CC2D2B: variants seen among roughly 807,000 people sequenced by gnomAD.
The protein encoded by CC2D2B is coiled-coil and C2 domain containing 2B.
CC2D2B carries 128 observed loss-of-function variants against 161.2 expected under a neutral mutation model. The observed-to-expected ratio is 0.79, with a 90% CI of 0.69 to 0.92. The LOEUF is 0.92. CC2D2B is among the 40% of genes least tolerant of loss of function. CC2D2B has a pLI of 0.00. For missense variants in CC2D2B, 1,173 were observed against 1,375.1 expected, an observed-to-expected ratio of 0.85 and a Z score of 2.32; for synonymous variants, 391 against 449.8, an observed-to-expected ratio of 0.87 and a Z score of 1.65.
chr10:96,031,844 C>T lies in CC2D2B; in HGVS notation c.4150C>T (p.Pro1384Ser). 6.2e-7 allele frequency: 1 copy of T among 1,613,458 alleles called. No individual in the cohort carries two copies. The highest frequency in any genetic ancestry group is 8.5e-7 in the Non-Finnish European group (1 of 1,179,552). The change falls in exon 35 of 35, where the codon CCA becomes TCA. Residue 1384 changes from proline to serine, a missense_variant. By Grantham distance (74) the Pro-to-Ser change is moderately conservative (BLOSUM62 -1). Transcript: ENST00000646931. Reference protein sequence around the residue: ...YWVTGFPIQMPYIDVQSIIDA... With the variant: ...YWVTGFPIQMSYIDVQSIIDA... ...GGTCACGGGATTTCCCATCCAGATG[C>T]CATACATTGATGTACAGTCAATTAT...
At chr10:96,014,900 C>T (rs954576424) in intron 29 of CC2D2B, among the ~76,000 whole-genome samples, 1 of 152,150 alleles carries the variant, frequency 6.6e-6, no homozygotes. Context: ...TCAGGTTCAG[C>T]CAATGCACAC....
At chr10:95,987,948 T>C (rs1461369297) in intron 19 of CC2D2B, among the ~76,000 whole-genome samples, 1 of 152,214 alleles carries the variant, frequency 6.6e-6, no homozygotes, top group East Asian at 1.9e-4. Context: ...TGAAGAATCT[T>C]TTCTCAATCC....
intron 20 of CC2D2B, 33 bp downstream of exon 20, chr10:95,988,375 T>C (rs2077813309): frequency 8.3e-6 from 9 of 1,078,144 alleles, no homozygotes; most frequent in Non-Finnish European, 1.1e-5. Flanking sequence ...ATATTTGCAT[T>C]TGTTTTTGTG....
rs1484880561 is a variant in CC2D2B, at chr10:95,941,440, A to G, written c.801+2515A>G. 2.0e-5 allele frequency among the ~76,000 whole-genome samples: 3 copies of G among 152,190 alleles called. No homozygotes were observed. In the East Asian group the frequency reaches 5.8e-4, roughly 29 times the overall value. ...ATGGGAGAAAATATTTGCAAACCAT[A>G]TATCTGATAAGAGATTGAAATCCAA... On this transcript the variant is annotated intron_variant, in intron 9 of 34. Transcript: ENST00000646931.
rs1491259451 is a variant in CC2D2B at position 96,025,154 on chromosome 10, A to AAAAT, written c.3947+244_3947+245insAATA. ...GGAGACGTCATCTCTACTAAAAAAA[A>AAAAT]ATATATATATATATATATATATATA... On this transcript the variant is annotated intron_variant, in intron 33 of 34. Transcript: ENST00000646931. Among the ~76,000 whole-genome samples the AAAAT allele has an allele frequency of 2.7e-3, 54 of 20,082 alleles. 2 individuals are homozygous for AAAAT. Among genetic ancestry groups the AAAAT allele is most frequent in the Middle Eastern group, 0.062 (1 of 16 alleles). The allele number at this position is 20,082 out of a possible 152,430, so 13.2% of individuals were successfully genotyped here.
intron 24 of CC2D2B, among the ~76,000 whole-genome samples, chr10:95,997,681 C>G (rs1471599797): frequency 6.6e-6 from 1 of 152,366 alleles, no homozygotes; most frequent in Middle Eastern, 3.4e-3. Flanking sequence ...AGCCACCACA[C>G]CTGGCCTGCT....
intron 2 of CC2D2B, chr10:95,920,836 A>T (rs999383252): frequency 6.6e-6 from 1 of 152,272 alleles, no homozygotes; most frequent in African/African-American, 2.4e-5. Context: ...TAAAAATATT[A>T]TCTGGGAGAT....
chr10:95,926,421 T>A (rs1414418535), intron 5 of CC2D2B, among the ~76,000 whole-genome samples: 1 of 152,170 alleles, frequency 6.6e-6, no homozygotes, highest in African/African-American at 2.4e-5. Flanking sequence ...ACAAGGTGAA[T>A]AACTTTTAAG....
chr10:96,000,839 T>TA (rs1242743134), intron 24 of CC2D2B: 3 of 152,192 alleles, frequency 2.0e-5, no homozygotes, highest in Non-Finnish European at 2.9e-5. Context: ...TATGTCCTTT[T>TA]AAAAAAATCT....
intron 22 of CC2D2B, among the ~76,000 whole-genome samples, chr10:95,993,920 GT>G (rs2078084808): frequency 5.9e-5 from 1 of 16,976 alleles, no homozygotes; most frequent in African/African-American, 1.3e-4. Context: ...GTGTGTGTGT[GT>G]GTGTGTGTGT....
At chr10:95,967,446 C>T (rs181706402) in intron 14 of CC2D2B, among the ~76,000 whole-genome samples, 71 of 150,032 alleles carry the variant, frequency 4.7e-4, no homozygotes, top group African/African-American at 1.6e-3. Flanking sequence ...CATTGCCATC[C>T]GATAGCATTG....
intron 30 of CC2D2B, 40 bp from the exon 31 acceptor site, chr10:96,019,163 T>C (rs758607685): frequency 6.6e-7 from 1 of 1,509,820 alleles, no homozygotes; most frequent in Non-Finnish European, 8.9e-7. Flanking sequence ...ATAGAAATTA[T>C]TTAAATCCAC....
intron 32 of CC2D2B, 28 bp downstream of exon 32, chr10:96,019,852 G>A (rs915595343): frequency 1.9e-6 from 3 of 1,575,276 alleles, no homozygotes; most frequent in Non-Finnish European, 2.6e-6. Context: ...AGGGGTGTCT[G>A]TATGAGAGTT....
intron 32 of CC2D2B, chr10:96,020,081 T>G: frequency 2.9e-6 from 1 of 350,068 alleles, no homozygotes; most frequent in Non-Finnish European, 5.1e-6. Flanking sequence ...TTTTTCACCA[T>G]AAAACATAAC....
chr10:95,974,052 T>A lies in CC2D2B; in HGVS notation c.1839T>A (p.Cys613Ter), dbSNP rs1345854273. ...AGGGAAATGGAACTGAAGAACTCTG[T>A]CTTTTGACATCAGGAAAACTTAGCT... ...LLEGNGTEELCLLTSGKLSYS... is the reference protein window; with the variant it reads ...LLEGNGTEEL The change falls in exon 17 of 35, where the codon TGT (cysteine) becomes TGA (stop). Residue 613 changes from cysteine (C) to a stop codon, truncating the protein, a stop_gained. Transcript: ENST00000646931. LOFTEE classifies it high-confidence loss of function. The A allele has an allele frequency of 8.1e-7, 1 of 1,231,512 alleles. No individual in the cohort carries two copies. The highest frequency in any genetic ancestry group is 4.2e-5 in the Admixed American group (1 of 23,692). The allele number at this position is 1,231,512 out of a possible 1,614,324, so 76.3% of individuals were successfully genotyped here. A position where few individuals can be genotyped will look rare whatever the true frequency, so the allele number is the denominator to read the frequency against.
At chr10:95,938,297 T>A in intron 7 of CC2D2B, 108 bp downstream of exon 7, 2 of 738,690 alleles carry the variant, frequency 2.7e-6, no homozygotes, top group Non-Finnish European at 4.4e-6. Context: ...AAAATTATAG[T>A]AACTTTTCTA....
At position 96,026,593 on chromosome 10, in the gene CC2D2B, G is replaced by A. The variant is rs559686390; in HGVS notation, c.3948-619G>A. Among the ~76,000 whole-genome samples the A allele has an allele frequency of 1.5e-3, 224 of 152,208 alleles. 6 individuals carry two copies. Among genetic ancestry groups the A allele is most frequent in the South Asian group, 2.1e-3 (10 of 4,806 alleles). ...GAGTAGGAATGTCAACCCAGTAATC[G>A]GATGGTAGGTGTTGTCAAATCACAC... On this transcript the variant is annotated intron_variant, in intron 33 of 34. Transcript: ENST00000646931.
In CC2D2B at chr10:95,974,087, C is replaced by G; in HGVS notation, c.1874C>G (p.Ser625Ter). 1 of 1,229,888 alleles carries G rather than the reference C, an allele frequency of 8.1e-7. No individual in the cohort carries two copies. The highest frequency in any genetic ancestry group is 4.1e-5 in the South Asian group (1 of 24,284). The allele number at this position is 1,229,888 out of a possible 1,614,324, so 76.2% of individuals were successfully genotyped here. A position where few individuals can be genotyped will look rare whatever the true frequency, so the allele number is the denominator to read the frequency against. The change falls in exon 17 of 35, where the codon TCA becomes TGA. Residue 625 changes from serine (S) to a stop codon, truncating the protein, a stop_gained. Transcript: ENST00000646931. LOFTEE classifies it high-confidence loss of function. ...LTSGKLSYSL[S>*]WSLDENGLPL... ...TCAGGAAAACTTAGCTATTCTCTATCATGGAGCTTAGATGAAAATGGTCTT... is the reference window on the plus strand; with the variant it reads ...TCAGGAAAACTTAGCTATTCTCTATGATGGAGCTTAGATGAAAATGGTCTT...
In CC2D2B at chr10:95,965,920, A is replaced by G; in HGVS notation, c.1275A>G (p.Glu425=). Residue 425 remains glutamate (E), a synonymous_variant, in exon 13 of 35, where the codon GAA becomes GAG. Transcript: ENST00000646931. ...VQRIKMNKCD[E]QEQISEMSET... The stretch of plus-strand genomic sequence containing the variant: ...GGATTAAAATGAATAAATGTGATGA[A>G]CAAGAGCAAATCTCAGAAATGTCTG... 8.3e-7 allele frequency: 1 copy of G among 1,205,638 alleles called. No individual in the cohort carries two copies. The highest frequency in any genetic ancestry group is 4.2e-5 in the South Asian group (1 of 23,782). The allele number at this position is 1,205,638 out of a possible 1,614,324, so 74.7% of individuals were successfully genotyped here.
Sources: gnomAD v4.1 joint callset for allele counts (sites outside exome capture counted in the v4.1 genomes callset) on GRCh38, gnomAD v4.1.1 for gene constraint, MANE v1.5 for transcripts, NCBI Gene and HGNC (gene_info 2026-07-23, HGNC 2026-07-21) for gene names.